The following ARHGAP15 variants were observed in gnomAD, a reference collection of about 807,000 sequenced individuals.
ARHGAP15 encodes the protein Rho GTPase activating protein 15.
A neutral mutation model predicts 63.7 loss-of-function variants in ARHGAP15; 51 were observed. That is an observed-to-expected ratio of 0.80 (90% CI 0.64 to 1.01). ARHGAP15 has a LOEUF of 1.01. ARHGAP15 is among the 50% of genes least tolerant of loss of function. ARHGAP15 has a pLI of 0.00. For synonymous variants in ARHGAP15, 191 were observed against 193.8 expected, an observed-to-expected ratio of 0.99 and a Z score of 0.12; for missense variants, 560 against 564.6, an observed-to-expected ratio of 0.99 and a Z score of 0.08.
intron 11 of ARHGAP15, among the ~76,000 whole-genome samples, chr2:143,569,848 A>G (rs1046598294): frequency 1.3e-5 from 2 of 152,202 alleles, no homozygotes; most frequent in Non-Finnish European, 2.9e-5. Flanking sequence ...GATTTGTATG[A>G]GGGAATACTT....
At chr2:143,624,708 A>C (rs1467536354) in intron 12 of ARHGAP15, among the ~76,000 whole-genome samples, 1 of 152,198 alleles carries the variant, frequency 6.6e-6, no homozygotes. Flanking sequence ...CTAAGACATC[A>C]TGTTCTCTTG....
chr2:143,536,991 C>T (rs1280033027), intron 10 of ARHGAP15, among the ~76,000 whole-genome samples: 10 of 151,978 alleles, frequency 6.6e-5, no homozygotes, highest in Middle Eastern at 3.4e-3. Flanking sequence ...GTCCCACCAA[C>T]AGTGTAAAAG....
intron 9 of ARHGAP15, among the ~76,000 whole-genome samples, chr2:143,504,868 G>T (rs1289054235): frequency 6.6e-6 from 1 of 152,134 alleles, no homozygotes; most frequent in Non-Finnish European, 1.5e-5. Context: ...CCTTCCATGT[G>T]CCAGAATGTG....
rs771368101 is a variant in ARHGAP15, at chr2:143,155,588, G to A, written c.98G>A (p.Ser33Asn). 1 of 1,609,290 alleles carries A rather than the reference G, an allele frequency of 6.2e-7. No individual in the cohort carries two copies. The highest frequency in any genetic ancestry group is 8.5e-7 in the Non-Finnish European group (1 of 1,177,932). ...AVQMRIKNANSHHDRLSQSKS... is the reference protein window; with the variant it reads ...AVQMRIKNANNHHDRLSQSKS... Reference sequence around the variant, plus strand: ...CAAATGAGAATCAAAAATGCCAACAGCCACCATGACAGGCTCAGCCAAAGT... The same window carrying A: ...CAAATGAGAATCAAAAATGCCAACAACCACCATGACAGGCTCAGCCAAAGT... Residue 33 changes from serine to asparagine, a missense_variant, in exon 2 of 14, where the codon AGC becomes AAC. Transcript: ENST00000295095.
intron 10 of ARHGAP15, among the ~76,000 whole-genome samples, chr2:143,519,637 G>A (rs1339883077): frequency 1.3e-5 from 2 of 152,148 alleles, no homozygotes; most frequent in Non-Finnish European, 2.9e-5. Context: ...TTTCAAGCCA[G>A]TGATAAAACA....
At chr2:143,262,104 T>TG (rs1680751823) in intron 6 of ARHGAP15, among the ~76,000 whole-genome samples, 1 of 152,142 alleles carries the variant, frequency 6.6e-6, no homozygotes, top group Non-Finnish European at 1.5e-5. Context: ...TAACGCGTGC[T>TG]GAGGCAAGAT....
At chr2:143,715,165 C>T (rs541375744) in intron 13 of ARHGAP15, among the ~76,000 whole-genome samples, 1 of 152,282 alleles carries the variant, frequency 6.6e-6, no homozygotes, top group East Asian at 1.9e-4. Flanking sequence ...AAAGGTACTT[C>T]TTACATTGTG....
intron 1 of ARHGAP15, among the ~76,000 whole-genome samples, chr2:143,144,353 C>CTAA (rs1390432670): frequency 6.6e-6 from 1 of 151,988 alleles, no homozygotes; most frequent in Non-Finnish European, 1.5e-5. Context: ...AATGGTTAAA[C>CTAA]TAATTTGTAC....
intron 5 of ARHGAP15, among the ~76,000 whole-genome samples, chr2:143,240,727 G>A (rs941443849): frequency 2.0e-5 from 3 of 152,128 alleles, no homozygotes; most frequent in African/African-American, 7.2e-5. Flanking sequence ...AAATCTGGAG[G>A]ATAATGGGTA....
intron 11 of ARHGAP15, among the ~76,000 whole-genome samples, chr2:143,603,805 A>G (rs1697872944): frequency 6.6e-6 from 1 of 152,212 alleles, no homozygotes; most frequent in South Asian, 2.1e-4. Context: ...TTCTCAGTGG[A>G]AAAGTAGTTA....
chr2:143,287,036 G>A (rs967087560), intron 6 of ARHGAP15, among the ~76,000 whole-genome samples: 2 of 152,026 alleles, frequency 1.3e-5, no homozygotes, highest in Admixed American at 1.3e-4. Flanking sequence ...ATAATTCTTA[G>A]GAGTCTAAAG....
chr2:143,316,368 G>A (rs899230177), intron 6 of ARHGAP15, among the ~76,000 whole-genome samples: 2 of 151,706 alleles, frequency 1.3e-5, no homozygotes, highest in African/African-American at 4.8e-5. Flanking sequence ...TTTTCAGGCA[G>A]TTTGAATGCA....
chr2:143,744,251 A>G (rs1383769713), intron 13 of ARHGAP15, among the ~76,000 whole-genome samples: 2 of 152,244 alleles, frequency 1.3e-5, no homozygotes, highest in African/African-American at 4.8e-5. Context: ...CCAACTTTGT[A>G]TCATTAGTTA....
chr2:143,296,492 A>T (rs1259067428), intron 6 of ARHGAP15, among the ~76,000 whole-genome samples: 5 of 151,994 alleles, frequency 3.3e-5, no homozygotes, highest in African/African-American at 1.2e-4. Context: ...CTTGCACCCT[A>T]AGAATATCTT....
At chr2:143,418,077 T>C (rs1171353994) in intron 6 of ARHGAP15, among the ~76,000 whole-genome samples, 3 of 152,206 alleles carry the variant, frequency 2.0e-5, no homozygotes, top group Non-Finnish European at 4.4e-5. Context: ...TCAGAAAATT[T>C]GCATGGCTTT....
intron 11 of ARHGAP15, among the ~76,000 whole-genome samples, chr2:143,585,878 C>T (rs1182548961): frequency 1.3e-5 from 2 of 151,926 alleles, no homozygotes; most frequent in Non-Finnish European, 2.9e-5. Context: ...TGTTATTTTA[C>T]CAAGTTTTCT....
At chr2:143,319,519 G>T (rs998744900) in intron 6 of ARHGAP15, among the ~76,000 whole-genome samples, 1 of 152,088 alleles carries the variant, frequency 6.6e-6, no homozygotes, top group Non-Finnish European at 1.5e-5. Flanking sequence ...ACCGCACCTG[G>T]CCAGGTCCCA....
chr2:143,440,626 C>G (rs1014470084), intron 8 of ARHGAP15, among the ~76,000 whole-genome samples: 2 of 152,172 alleles, frequency 1.3e-5, no homozygotes, highest in Non-Finnish European at 1.5e-5. Context: ...TGAGTGAATT[C>G]AGAAAGTTAT....
At position 143,165,986 on chromosome 2, in the gene ARHGAP15, GAAAGAAAGAAA is replaced by G. The variant is rs1558787634; in HGVS notation, c.165+10332_165+10342del. On this transcript the variant is annotated intron_variant, in intron 2 of 13. Coordinates refer to ENST00000295095, the MANE Select transcript of ARHGAP15 (RefSeq NM_018460.4). ...AGAAAGAAAGAAAGAAAGAAAGAAAGAAAGAAAGAAAGAAAGAAGGAAGGAAGGAAAAAAAG... is the reference window on the plus strand; with the variant it reads ...AGAAAGAAAGAAAGAAAGAAAGAAAGGAAAGAAGGAAGGAAGGAAAAAAAG... 2.7e-3 allele frequency among the ~76,000 whole-genome samples: 325 copies of G among 121,196 alleles called. 2 individuals are homozygous for G. The highest frequency in any genetic ancestry group is 0.021 in the East Asian group (91 of 4,390). The allele number at this position is 121,196 out of a possible 152,430, so 79.5% of individuals were successfully genotyped here.
Sources: allele counts gnomAD v4.1 joint callset (sites outside exome capture counted in the v4.1 genomes callset), GRCh38; gene constraint gnomAD v4.1.1; transcripts MANE v1.5; gene names NCBI Gene and HGNC (gene_info 2026-07-23, HGNC 2026-07-21).